SESN1: variants seen among roughly 807,000 people sequenced by gnomAD.
SESN1 encodes sestrin 1, also known as sestrin-1.
In SESN1, 30 loss-of-function variants were observed where a neutral mutation model predicts 59.3. The observed-to-expected ratio is 0.51, with a 90% CI of 0.38 to 0.69. The LOEUF (loss-of-function observed/expected upper bound fraction) is 0.69, where lower values mean the gene tolerates loss of function less well. Ranked by LOEUF, SESN1 falls within the 30% of genes least tolerant of loss-of-function variation. SESN1 has a pLI of 0.00. For synonymous variants in SESN1, 197 were observed against 219.9 expected, an observed-to-expected ratio of 0.90 and a Z score of 0.92; for missense variants, 566 against 673.0, an observed-to-expected ratio of 0.84 and a Z score of 1.76.
chr6:108,993,510 A>C (rs1779436274), intron 6 of SESN1, among the ~76,000 whole-genome samples: 1 of 152,190 alleles, frequency 6.6e-6, no homozygotes, highest in Non-Finnish European at 1.5e-5. Context: ...TGAACATCCA[A>C]CCTCCATTTA....
rs773039049 is a variant in SESN1 at position 108,987,537 on chromosome 6, A to T, written c.*7T>A. The T allele has an allele frequency of 7.3e-6, 11 of 1,516,242 alleles. No individual in the cohort carries two copies. In the Admixed American group the frequency reaches 1.8e-4, roughly 25 times the overall value. 93.9% of individuals were successfully genotyped at this position (1,516,242 alleles called of 1,614,324 possible). The stretch of plus-strand genomic sequence containing the variant: ...ATTCCAGAATCATCTTTAATGAAGG[A>T]AAGGCATCAGGTCATATAGCGGGTA... On this transcript the variant is annotated 3_prime_UTR_variant, in exon 10 of 10. Transcript: ENST00000436639.
chr6:109,079,239 C>CT (rs1358122426), intron 1 of SESN1, among the ~76,000 whole-genome samples: 1 of 150,304 alleles, frequency 6.7e-6, no homozygotes, highest in East Asian at 1.9e-4. Context: ...TATTCATACT[C>CT]TAATATTCAA....
intron 1 of SESN1, among the ~76,000 whole-genome samples, chr6:109,045,659 T>A (rs1425117421): frequency 6.6e-6 from 1 of 152,190 alleles, no homozygotes; most frequent in Non-Finnish European, 1.5e-5. Flanking sequence ...GCATTACTCT[T>A]CTACAGCGCT....
At chr6:109,036,408 T>C (rs1174034230) in intron 1 of SESN1, among the ~76,000 whole-genome samples, 2 of 152,208 alleles carry the variant, frequency 1.3e-5, no homozygotes, top group Non-Finnish European at 1.5e-5. Flanking sequence ...AGCTTAACCA[T>C]CATTCTTTGC....
intron 1 of SESN1, among the ~76,000 whole-genome samples, chr6:109,061,733 G>A (rs1780737778): frequency 6.6e-6 from 1 of 152,084 alleles, no homozygotes; most frequent in African/African-American, 2.4e-5. Flanking sequence ...GAGCCCAGGA[G>A]GCAGAGGTTG....
At chr6:109,077,536 A>C (rs1347342309) in intron 1 of SESN1, among the ~76,000 whole-genome samples, 1 of 152,226 alleles carries the variant, frequency 6.6e-6, no homozygotes, top group Non-Finnish European at 1.5e-5. Context: ...TGTAAACCCC[A>C]AATATAAAAA....
At position 109,046,616 on chromosome 6, in the gene SESN1, G is replaced by A. The variant is rs968609186; in HGVS notation, c.280-44273C>T. Reference sequence around the variant, plus strand: ...AAGTGAGGAGCGTCTGCGCCCGGCCGCCATCCCATCTAGGAAGTGAGGAGC... The same window carrying A: ...AAGTGAGGAGCGTCTGCGCCCGGCCACCATCCCATCTAGGAAGTGAGGAGC... On this transcript the variant is annotated intron_variant, in intron 1 of 9. Coordinates refer to ENST00000436639, the MANE Select transcript of SESN1 (RefSeq NM_014454.3). Among the ~76,000 whole-genome samples the A allele has an allele frequency of 5.7e-5, 8 of 141,274 alleles. 1 individual carries two copies. Among genetic ancestry groups the A allele is most frequent in the South Asian group, 2.5e-4 (1 of 3,930 alleles). The allele number at this position is 141,274 out of a possible 152,430, so 92.7% of individuals were successfully genotyped here.
chr6:109,049,708 ATATAT>A (rs1467963799), intron 1 of SESN1, among the ~76,000 whole-genome samples: 10 of 150,050 alleles, frequency 6.7e-5, no homozygotes, highest in African/African-American at 9.7e-5. Context: ...ATTTATATTA[ATATAT>A]TATATACTAA....
intron 1 of SESN1, among the ~76,000 whole-genome samples, chr6:109,052,348 A>G (rs2114443625): frequency 6.6e-6 from 1 of 152,312 alleles, no homozygotes; most frequent in South Asian, 2.1e-4. Context: ...GTAAAAGTGA[A>G]GACTATATTG....
chr6:108,994,696 A>G, intron 5 of SESN1, 87 bp from the exon 6 acceptor site: 1 of 628,526 alleles, frequency 1.6e-6, no homozygotes, highest in East Asian at 5.1e-5. Context: ...AAGAATTTAT[A>G]TCTTTTTTTT....
chr6:109,054,461 G>T (rs1780595956), intron 1 of SESN1, among the ~76,000 whole-genome samples: 1 of 151,974 alleles, frequency 6.6e-6, no homozygotes, highest in African/African-American at 2.4e-5. Flanking sequence ...TATTATTTTT[G>T]CCCTAAGTGG....
intron 1 of SESN1, among the ~76,000 whole-genome samples, chr6:109,064,148 CTTGA>C (rs1780776907): frequency 6.6e-6 from 1 of 152,122 alleles, no homozygotes; most frequent in African/African-American, 2.4e-5. Flanking sequence ...ACTAAACTGG[CTTGA>C]TTGATATCTG....
chr6:109,000,651 G>A lies in SESN1; in HGVS notation c.569C>T (p.Ser190Phe). 1 of 1,598,964 alleles carries A rather than the reference G, an allele frequency of 6.3e-7. No individual in the cohort carries two copies. Among genetic ancestry groups the A allele is most frequent in the South Asian group, 1.1e-5 (1 of 87,304 alleles). ...GIMAAARHQC[S>F]YLVNLHVNDF... ...ATTTACATGCAGGTTCACTAAGTAG[G>A]AGCACTGATGTCTTGCCGCAGCCTT... Residue 190 changes from serine (S) to phenylalanine (F), a missense_variant, in exon 4 of 10, where the codon TCC (serine) becomes TTC (phenylalanine). By Grantham distance (155) the Ser-to-Phe change is radical. Transcript: ENST00000436639.
intron 1 of SESN1, among the ~76,000 whole-genome samples, chr6:109,033,380 C>T (rs923168758): frequency 6.6e-6 from 1 of 152,176 alleles, no homozygotes; most frequent in Non-Finnish European, 1.5e-5. Flanking sequence ...TTCTTTCTAA[C>T]TTTATACCCA....
chr6:109,041,270 C>A (rs1447554103), intron 1 of SESN1, among the ~76,000 whole-genome samples: 2 of 151,742 alleles, frequency 1.3e-5, no homozygotes, highest in African/African-American at 4.8e-5. Flanking sequence ...TGTGATTGTG[C>A]CAGTCTGGGT....
At chr6:108,992,185 A>C (rs1779400005) in intron 7 of SESN1, among the ~76,000 whole-genome samples, 1 of 152,132 alleles carries the variant, frequency 6.6e-6, no homozygotes, top group Non-Finnish European at 1.5e-5. Context: ...CGCAGCCTCA[A>C]CCTTCCAGGC....
intron 1 of SESN1, among the ~76,000 whole-genome samples, chr6:109,083,203 A>T (rs1228365955): frequency 6.6e-6 from 1 of 152,208 alleles, no homozygotes; most frequent in Non-Finnish European, 1.5e-5. Context: ...TGTAGAGGTT[A>T]ATTTATTCAT....
intron 1 of SESN1, among the ~76,000 whole-genome samples, chr6:109,076,427 A>G (rs1474933196): frequency 6.6e-6 from 1 of 152,226 alleles, no homozygotes; most frequent in Non-Finnish European, 1.5e-5. Context: ...TGTAAATTTT[A>G]CAACTTCTTT....
At chr6:108,992,371 C>T (rs1405468927) in intron 7 of SESN1, among the ~76,000 whole-genome samples, 1 of 152,138 alleles carries the variant, frequency 6.6e-6, no homozygotes, top group Non-Finnish European at 1.5e-5. Flanking sequence ...CCTGCCTCAG[C>T]CTCCCAAGGT....
Sources: allele counts gnomAD v4.1 joint callset (sites outside exome capture counted in the v4.1 genomes callset), GRCh38; gene constraint gnomAD v4.1.1; transcripts MANE v1.5; gene names NCBI Gene and HGNC (gene_info 2026-07-23, HGNC 2026-07-21).